The following SLC6A13 variants were observed in gnomAD, a reference collection of about 807,000 sequenced individuals.
SLC6A13 encodes the protein sodium- and chloride-dependent GABA transporter 2.
A neutral mutation model predicts 72.9 loss-of-function variants in SLC6A13; 69 were observed. The observed-to-expected ratio is 0.95, with a 90% CI of 0.78 to 1.16. SLC6A13 has a LOEUF of 1.16. SLC6A13 is among the 50% of genes most tolerant of loss of function. The probability of loss-of-function intolerance (pLI) is 0.00; values close to 1 mark genes in which losing one functional copy is unlikely to be tolerated. For missense variants in SLC6A13, 735 were observed against 760.5 expected, an observed-to-expected ratio of 0.97 and a Z score of 0.39; for synonymous variants, 303 against 303.0, an observed-to-expected ratio of 1.00 and a Z score of 0.00.
chr12:255,631 G>A (rs1413291242), intron 2 of SLC6A13, among the ~76,000 whole-genome samples: 1 of 152,268 alleles, frequency 6.6e-6, no homozygotes, highest in Non-Finnish European at 1.5e-5. Context: ...AGTAGGTAGA[G>A]GTTGCAGTGA....
Position 235,170 on chromosome 12 carries a change from G to T in SLC6A13, c.751C>A (p.Arg251=). ...GCTGCCCCAGGCAACGTCACCCCTC[G>T]AATTAACAGGACCACCAGCATGAGG... ...PYLMLVVLLI[R]GVTLPGAAQG... Residue 251 remains arginine (R), a synonymous_variant, in exon 7 of 15, where the codon CGA becomes AGA. Transcript: ENST00000343164. 9 of 1,614,166 alleles carry T rather than the reference G, an allele frequency of 5.6e-6. No homozygotes were observed. Among genetic ancestry groups the T allele is most frequent in the Non-Finnish European group, 6.8e-6 (8 of 1,180,004 alleles).
At chr12:226,550 G>A (rs200345933) in intron 8 of SLC6A13, 36 bp from the exon 9 acceptor site, 3 of 1,604,880 alleles carry the variant, frequency 1.9e-6, no homozygotes, top group East Asian at 4.5e-5. Context: ...CGGAATGGCA[G>A]GGTCAGAACA....
At chr12:250,453 T>C (rs1212187251) in intron 2 of SLC6A13, among the ~76,000 whole-genome samples, 1 of 152,014 alleles carries the variant, frequency 6.6e-6, no homozygotes, top group Non-Finnish European at 1.5e-5. Context: ...GTTTGCAGGA[T>C]ACAGGATGGG....
At chr12:250,174 C>G (rs1942486605) in intron 2 of SLC6A13, among the ~76,000 whole-genome samples, 1 of 152,086 alleles carries the variant, frequency 6.6e-6, no homozygotes, top group Non-Finnish European at 1.5e-5. Context: ...CAAAAAAACC[C>G]TACAGCTAAC....
intron 2 of SLC6A13, among the ~76,000 whole-genome samples, chr12:257,625 C>G (rs754304577): frequency 6.6e-6 from 1 of 152,140 alleles, no homozygotes; most frequent in Non-Finnish European, 1.5e-5. Context: ...ACAGGACCCA[C>G]GTGAATGACC....
intron 7 of SLC6A13, among the ~76,000 whole-genome samples, chr12:230,883 CTAT>C (rs1941681747): frequency 6.6e-6 from 1 of 152,174 alleles, no homozygotes; most frequent in Non-Finnish European, 1.5e-5. Context: ...TTTACTGCTG[CTAT>C]TATTTTAAAA....
chr12:259,458 A>G (rs1942857532), intron 2 of SLC6A13: 2 of 1,220,622 alleles, frequency 1.6e-6, no homozygotes, highest in Non-Finnish European at 2.1e-6. Context: ...TGCTTTACAC[A>G]CATTGTCTCT....
chr12:250,955 G>C (rs1942518407), intron 2 of SLC6A13, among the ~76,000 whole-genome samples: 1 of 151,384 alleles, frequency 6.6e-6, no homozygotes, highest in Admixed American at 6.6e-5. Flanking sequence ...AGGAGATCGA[G>C]ACCATCCTGG....
intron 2 of SLC6A13, among the ~76,000 whole-genome samples, chr12:244,706 G>C (rs1198288185): frequency 6.6e-6 from 1 of 151,958 alleles, no homozygotes; most frequent in Non-Finnish European, 1.5e-5. Context: ...AAAAAAAAGT[G>C]TATTTGGCTC....
intron 13 of SLC6A13, 102 bp downstream of exon 13, chr12:222,430 G>T: frequency 1.6e-6 from 1 of 618,520 alleles, no homozygotes; most frequent in Non-Finnish European, 2.8e-6. Context: ...ATGATTTTCA[G>T]TTCCTAGGGA....
In SLC6A13 at chr12:223,226, C is replaced by A; in HGVS notation, c.1320G>T (p.Met440Ile). Residue 440 changes from methionine (M) to isoleucine (I), a missense_variant, in exon 12 of 15, where the codon ATG becomes ATT. Transcript: ENST00000343164. The stretch of plus-strand genomic sequence containing the variant: ...AGTAGTCAAAGAGCTGGAACACGTA[C>A]ATTCCGCCCTGCATGGGAGGAGATT... ...VGLIMLTEGGMYVFQLFDYYA... is the reference protein window; with the variant it reads ...VGLIMLTEGGIYVFQLFDYYA... 3 of 1,608,548 alleles carry A rather than the reference C, an allele frequency of 1.9e-6. No homozygotes were observed. Among genetic ancestry groups the A allele is most frequent in the Non-Finnish European group, 2.6e-6 (3 of 1,175,760 alleles).
chr12:248,119 A>C (rs1471134216), intron 2 of SLC6A13, among the ~76,000 whole-genome samples: 1 of 152,210 alleles, frequency 6.6e-6, no homozygotes, highest in Non-Finnish European at 1.5e-5. Flanking sequence ...ACCTAATTAC[A>C]TGGATAATCG....
Position 220,836 on chromosome 12 carries a change from T to A in SLC6A13, c.*112A>T. On this transcript the variant is annotated 3_prime_UTR_variant, in exon 15 of 15. Transcript: ENST00000343164. ...GGTGGACTCCAAAATACCCCTCTTG[T>A]CTTATCCACTCCAGGTCGGGGGCAG... 7.3e-7 allele frequency: 1 copy of A among 1,368,362 alleles called. No homozygotes were observed. Among genetic ancestry groups the A allele is most frequent in the South Asian group, 1.3e-5 (1 of 77,056 alleles). The allele number at this position is 1,368,362 out of a possible 1,614,324, so 84.8% of individuals were successfully genotyped here. A position where few individuals can be genotyped will look rare whatever the true frequency, so the allele number is the denominator to read the frequency against.
rs550866599 is a variant in SLC6A13 at position 254,968 on chromosome 12, G to A, written c.202+4883C>T. 2.2e-4 allele frequency among the ~76,000 whole-genome samples: 34 copies of A among 151,264 alleles called. No individual in the cohort carries two copies. The highest frequency in any genetic ancestry group is 3.4e-3 in the Middle Eastern group (1 of 294). ...TTGAGACCAGCCTGGCCAACATGGC[G>A]AAACCCCCTCTCTATTAAAAACAAC... is the stretch of plus-strand genomic sequence containing the variant. On this transcript the variant is annotated intron_variant, in intron 2 of 14. Coordinates refer to ENST00000343164, the MANE Select transcript of SLC6A13 (RefSeq NM_016615.5). The surrounding 1 kb of genome is among the most constrained non-coding windows in gnomAD (Gnocchi z 4.4).
At chr12:226,028 TAAG>T (rs981854045) in intron 9 of SLC6A13, among the ~76,000 whole-genome samples, 7 of 152,338 alleles carry the variant, frequency 4.6e-5, no homozygotes, top group African/African-American at 1.7e-4. Flanking sequence ...TTTGGTTTTT[TAAG>T]AAGGAGGCAA....
chr12:222,699 G>A (rs1941263757), intron 12 of SLC6A13, 67 bp from the exon 13 acceptor site: 5 of 988,136 alleles, frequency 5.1e-6, no homozygotes, highest in Non-Finnish European at 7.8e-6. Context: ...CATCAGGATG[G>A]GGCCACAAAC....
chr12:227,565 C>T lies in SLC6A13; in HGVS notation c.935G>A (p.Arg312Lys), dbSNP rs1941514103. The part of the protein sequence containing the change: ...SYNKYHNNCY[R>K]DCIALCFLNS... Reference sequence around the variant, plus strand: ...GCTCAGGCCCCACGCCCCCAATCACCTGTAGCAGTTGTTGTGGTACTTGTT... The same window carrying T: ...GCTCAGGCCCCACGCCCCCAATCACTTGTAGCAGTTGTTGTGGTACTTGTT... The change falls in exon 8 of 15, where the codon AGG becomes AAG. Residue 312 changes from arginine (R) to lysine (K), a missense_variant and splice_region_variant. Transcript: ENST00000343164. 1 of 1,613,936 alleles carries T rather than the reference C, an allele frequency of 6.2e-7. No homozygotes were observed. Among genetic ancestry groups the T allele is most frequent in the Non-Finnish European group, 8.5e-7 (1 of 1,179,920 alleles).
At chr12:246,515 G>A (rs932964031) in intron 2 of SLC6A13, among the ~76,000 whole-genome samples, 6 of 152,158 alleles carry the variant, frequency 3.9e-5, no homozygotes, top group Non-Finnish European at 7.3e-5. Context: ...TATTATAACT[G>A]TATTGCAAGT....
At position 235,190 on chromosome 12, in the gene SLC6A13, A is replaced by C. The variant is rs1286749753; in HGVS notation, c.731T>G (p.Met244Arg). ...CCCTCGAATTAACAGGACCACCAGC[A>C]TGAGGTAAGGAAATGTGGCCGTGAA... ...VYFTATFPYL[M>R]LVVLLIRGVT... Residue 244 changes from methionine (M) to arginine (R), a missense_variant, in exon 7 of 15, where the codon ATG (methionine) becomes AGG (arginine). Met to Arg is a moderately conservative substitution (Grantham distance 91). Coordinates refer to ENST00000343164, the MANE Select transcript of SLC6A13 (RefSeq NM_016615.5). 6.2e-7 allele frequency: 1 copy of C among 1,614,114 alleles called. No individual in the cohort carries two copies. Among genetic ancestry groups the C allele is most frequent in the Non-Finnish European group, 8.5e-7 (1 of 1,180,032 alleles).
Sources: gnomAD v4.1 joint callset for allele counts (sites outside exome capture counted in the v4.1 genomes callset) on GRCh38, gnomAD v4.1.1 for gene constraint, Gnocchi (gnomAD v3.1) non-coding constraint, MANE v1.5 for transcripts, NCBI Gene and HGNC (gene_info 2026-07-23, HGNC 2026-07-21) for gene names.